PBX3: variants seen among roughly 807,000 people sequenced by gnomAD.
The protein encoded by PBX3 is pre-B-cell leukemia transcription factor 3.
Under a neutral mutation model 48.5 loss-of-function variants are expected in PBX3, and 14 were observed. The observed-to-expected ratio is 0.29, with a 90% CI of 0.19 to 0.45. The LOEUF (loss-of-function observed/expected upper bound fraction) is 0.45. PBX3 is among the 20% of genes least tolerant of loss of function. The pLI is 1.00. For missense variants in PBX3, 386 were observed against 546.7 expected (o/e 0.71, Z 2.93); for synonymous variants, 210 against 200.3 (o/e 1.05, Z -0.41).
chr9:125,943,310 A>G (rs1001422623), intron 5 of PBX3, among the ~76,000 whole-genome samples: 23 of 123,708 alleles, frequency 1.9e-4, no homozygotes, highest in African/African-American at 6.7e-4. Context: ...AGCCAAGATC[A>G]TGCCATTGCA....
chr9:125,767,776 C>G (rs1277978454), intron 2 of PBX3, among the ~76,000 whole-genome samples: 2 of 152,140 alleles, frequency 1.3e-5, no homozygotes, highest in East Asian at 3.8e-4. Flanking sequence ...TTCTGAGAAG[C>G]CTAGTGGATC....
At chr9:125,785,750 G>A (rs1413083728) in intron 2 of PBX3, among the ~76,000 whole-genome samples, 1 of 152,102 alleles carries the variant, frequency 6.6e-6, no homozygotes, top group Admixed American at 6.6e-5. Flanking sequence ...AATTTTTAAG[G>A]CTGGCCCCAG....
intron 3 of PBX3, among the ~76,000 whole-genome samples, chr9:125,916,134 C>G (rs1841328054): frequency 6.6e-6 from 1 of 152,148 alleles, no homozygotes; most frequent in South Asian, 2.1e-4. Context: ...CCTATTTTAT[C>G]CCATCTACTT....
At chr9:125,769,035 G>A (rs1836874294) in intron 2 of PBX3, among the ~76,000 whole-genome samples, 1 of 152,030 alleles carries the variant, frequency 6.6e-6, no homozygotes, top group East Asian at 1.9e-4. Flanking sequence ...CTCACACTTG[G>A]CATGCAGCCT....
intron 2 of PBX3, among the ~76,000 whole-genome samples, chr9:125,871,894 A>G (rs1460947378): frequency 1.3e-5 from 2 of 152,226 alleles, no homozygotes; most frequent in East Asian, 1.9e-4. Context: ...GAAGGTGACA[A>G]AGTTGTATTT....
intron 3 of PBX3, among the ~76,000 whole-genome samples, chr9:125,928,926 G>T (rs1369664176): frequency 2.0e-5 from 3 of 152,050 alleles, no homozygotes; most frequent in Non-Finnish European, 4.4e-5. Flanking sequence ...GGCACGCAAG[G>T]CCCTTTATGT....
At chr9:125,881,778 A>G (rs1372277128) in intron 2 of PBX3, among the ~76,000 whole-genome samples, 1 of 152,050 alleles carries the variant, frequency 6.6e-6, no homozygotes, top group African/African-American at 2.4e-5. Context: ...ACTTAGATGT[A>G]TAGAAATCCT....
intron 3 of PBX3, among the ~76,000 whole-genome samples, chr9:125,925,507 G>T (rs1013859983): frequency 2.0e-5 from 3 of 151,910 alleles, no homozygotes; most frequent in Admixed American, 2.0e-4. Context: ...CAGGCTGGAT[G>T]CAGTGGCACA....
intron 2 of PBX3, among the ~76,000 whole-genome samples, chr9:125,854,500 C>T (rs544070218): frequency 9.2e-5 from 14 of 152,074 alleles, no homozygotes; most frequent in South Asian, 6.2e-4. Flanking sequence ...AAATAATTGC[C>T]CTTCAAATTG....
At chr9:125,793,681 C>G (rs891900049) in intron 2 of PBX3, among the ~76,000 whole-genome samples, 1 of 151,944 alleles carries the variant, frequency 6.6e-6, no homozygotes, top group Non-Finnish European at 1.5e-5. Context: ...CCGCCTGCCT[C>G]GTCCTCCCAA....
At chr9:125,847,562 T>C (rs1839458935) in intron 2 of PBX3, among the ~76,000 whole-genome samples, 1 of 151,922 alleles carries the variant, frequency 6.6e-6, no homozygotes, top group Non-Finnish European at 1.5e-5. Context: ...ATAATTGTTT[T>C]CCCAAGTACT....
At position 125,966,031 on chromosome 9, in the gene PBX3, A is replaced by G; in HGVS notation, c.*108A>G. The G allele has an allele frequency of 1.4e-6, 1 of 707,288 alleles. No homozygotes were observed. The allele number at this position is 707,288 out of a possible 1,614,324, so 43.8% of individuals were successfully genotyped here. The stretch of plus-strand genomic sequence containing the variant: ...GCCCACCATCTACAGCTTTACTGTA[A>G]AACCTTGTCTTATTCGAGAACTTGG... On this transcript the variant is annotated 3_prime_UTR_variant, in exon 9 of 9. Transcript: ENST00000373489.
intron 5 of PBX3, among the ~76,000 whole-genome samples, chr9:125,949,156 C>T (rs551495092): frequency 6.6e-6 from 1 of 152,328 alleles, no homozygotes; most frequent in East Asian, 1.9e-4. Context: ...GTCACTCAGA[C>T]TCTGCTCCAG....
intron 2 of PBX3, among the ~76,000 whole-genome samples, chr9:125,857,954 A>G (rs1351158793): frequency 6.6e-6 from 1 of 152,230 alleles, no homozygotes; most frequent in East Asian, 1.9e-4. Context: ...GATGTAGTCA[A>G]TTGGAGTAAG....
chr9:125,943,928 G>A (rs1842015191), intron 5 of PBX3, among the ~76,000 whole-genome samples: 1 of 152,208 alleles, frequency 6.6e-6, no homozygotes, highest in East Asian at 1.9e-4. Flanking sequence ...TAGTGCAGGA[G>A]TCAGGGGAAC....
chr9:125,780,635 CG>C (rs1837250727), intron 2 of PBX3, among the ~76,000 whole-genome samples: 1 of 117,596 alleles, frequency 8.5e-6, no homozygotes, highest in Admixed American at 8.3e-5. Context: ...GCTGGCCGGG[CG>C]GGGGGCTGAC....
rs143205783 is a variant in PBX3, at chr9:125,900,772, T to C, written c.275-14914T>C. Among the ~76,000 whole-genome samples, 1,039 of 151,864 alleles carry C rather than the reference T, an allele frequency of 6.8e-3. 7 individuals carry two copies. Among genetic ancestry groups the C allele is most frequent in the Non-Finnish European group, 0.011 (754 of 67,770 alleles). ...AAACAGAGACACATCCACTAAGCAA[T>C]GTGCTGAATGTGGAATTTATTTTAT... On this transcript the variant is annotated intron_variant, in intron 2 of 8. Coordinates refer to ENST00000373489, the MANE Select transcript of PBX3 (RefSeq NM_006195.6).
chr9:125,747,630 G>A lies in PBX3; in HGVS notation c.177G>A (p.Gln59=). The part of the protein sequence containing the change: ...ILHQIMTITD[Q]SLDEAQAKKH... Reference sequence around the variant, plus strand: ...ACCAGATCATGACCATCACCGACCAGAGCTTGGACGAGGCGCAAGCAAAGT... The same window carrying A: ...ACCAGATCATGACCATCACCGACCAAAGCTTGGACGAGGCGCAAGCAAAGT... Residue 59 remains glutamine (Q), a synonymous_variant, in exon 1 of 9, where the codon CAG becomes CAA. Transcript: ENST00000373489. 6.3e-7 allele frequency: 1 copy of A among 1,593,762 alleles called. No homozygotes were observed. The highest frequency in any genetic ancestry group is 8.5e-7 in the Non-Finnish European group (1 of 1,170,596).
At chr9:125,960,985 C>A in intron 6 of PBX3, 136 bp downstream of exon 6, 1 of 892,184 alleles carries the variant, frequency 1.1e-6, no homozygotes, top group Non-Finnish European at 1.7e-6. Flanking sequence ...CAAATGCAGG[C>A]TTGTTCTTGA....
Sources: allele counts gnomAD v4.1 joint callset (sites outside exome capture counted in the v4.1 genomes callset), GRCh38; gene constraint gnomAD v4.1.1; transcripts MANE v1.5; gene names NCBI Gene and HGNC (gene_info 2026-07-23, HGNC 2026-07-21).